Variants in MIR2052HG observed in about 807,000 individuals in gnomAD.
MIR2052HG encodes MIR2052 host gene.
chr8:74,652,857 A>G (rs2553712), intron 2 of MIR2052HG, among the ~76,000 whole-genome samples: 95,900 of 151,916 alleles, frequency 0.63, 30,536 homozygotes, highest in East Asian at 0.77. Flanking sequence ...AGCTGGGAGG[A>G]AGTGGGTAGC....
At chr8:74,739,059 T>C (rs894895509) in intron 4 of MIR2052HG, among the ~76,000 whole-genome samples, 7 of 152,200 alleles carry the variant, frequency 4.6e-5, no homozygotes, top group Admixed American at 4.6e-4. Flanking sequence ...GATCAATAAA[T>C]TAAAATGGCA....
At chr8:74,690,651 A>T (rs1372911765) in intron 2 of MIR2052HG, among the ~76,000 whole-genome samples, 2 of 152,042 alleles carry the variant, frequency 1.3e-5, no homozygotes, top group Non-Finnish European at 1.5e-5. Context: ...ACTCCATCTC[A>T]AAAAATAAAA....
chr8:74,649,625 C>A (rs550221791), intron 2 of MIR2052HG, among the ~76,000 whole-genome samples: 1 of 152,116 alleles, frequency 6.6e-6, no homozygotes, highest in South Asian at 2.1e-4. Flanking sequence ...TTCAAAATAT[C>A]TTTTACAATT....
intron 4 of MIR2052HG, among the ~76,000 whole-genome samples, chr8:74,731,030 A>G (rs1051760043): frequency 1.3e-5 from 2 of 152,232 alleles, no homozygotes; most frequent in South Asian, 2.1e-4. Flanking sequence ...AAAGTCCCCA[A>G]AGTGTCCCCA....
At chr8:74,686,215 C>G (rs1809179444) in intron 2 of MIR2052HG, among the ~76,000 whole-genome samples, 1 of 151,650 alleles carries the variant, frequency 6.6e-6, no homozygotes, top group African/African-American at 2.4e-5. Context: ...ATATTTCCAT[C>G]TCCTTGTAGA....
chr8:74,658,162 G>T (rs1808825491), intron 2 of MIR2052HG, among the ~76,000 whole-genome samples: 1 of 151,984 alleles, frequency 6.6e-6, no homozygotes, highest in African/African-American at 2.4e-5. Context: ...AATCTTCTCA[G>T]TGAGACCAAT....
At chr8:74,676,508 T>C (rs1184258952) in intron 2 of MIR2052HG, among the ~76,000 whole-genome samples, 1 of 150,188 alleles carries the variant, frequency 6.7e-6, no homozygotes, top group Non-Finnish European at 1.5e-5. Flanking sequence ...AAAAGAAAAA[T>C]TAAATGAAAT....
chr8:74,654,907 G>T (rs1199210164), intron 2 of MIR2052HG, among the ~76,000 whole-genome samples: 1 of 152,138 alleles, frequency 6.6e-6, no homozygotes, highest in African/African-American at 2.4e-5. Context: ...GAATGGCTTT[G>T]ACCAAAAGCC....
At chr8:74,688,024 G>C (rs1809201687) in intron 2 of MIR2052HG, among the ~76,000 whole-genome samples, 1 of 152,070 alleles carries the variant, frequency 6.6e-6, no homozygotes, top group Admixed American at 6.6e-5. Context: ...GGCTTCATTT[G>C]ATAATGAGGG....
intron 1 of MIR2052HG, chr8:74,604,269 G>T (rs947927245): frequency 4.9e-6 from 4 of 817,728 alleles, no homozygotes; most frequent in African/African-American, 1.7e-5. Context: ...TGGGGAGCTG[G>T]ACTTTGAGTG....
intron 4 of MIR2052HG, among the ~76,000 whole-genome samples, chr8:74,736,122 G>A (rs750146903): frequency 5.9e-5 from 9 of 152,134 alleles, no homozygotes; most frequent in Admixed American, 6.6e-5. Context: ...GCAGATTAAA[G>A]TTTCTTGATC....
intron 2 of MIR2052HG, among the ~76,000 whole-genome samples, chr8:74,674,479 C>T (rs1302300843): frequency 6.6e-6 from 1 of 151,828 alleles, no homozygotes; most frequent in Non-Finnish European, 1.5e-5. Context: ...TAAAATTAAA[C>T]ATAATATTGA....
intron 5 of MIR2052HG, chr8:74,756,709 G>C (rs895992207): frequency 6.6e-6 from 1 of 152,036 alleles, no homozygotes; most frequent in African/African-American, 2.4e-5. Context: ...AATGGACAGT[G>C]ATTCTACACT....
At chr8:74,713,321 T>A (rs923999871) in intron 4 of MIR2052HG, among the ~76,000 whole-genome samples, 2 of 152,210 alleles carry the variant, frequency 1.3e-5, no homozygotes, top group Non-Finnish European at 2.9e-5. Context: ...CTTCCACTCT[T>A]ATCCAAGTCT....
chr8:74,610,469 C>T (rs138672902), intron 1 of MIR2052HG, among the ~76,000 whole-genome samples: 2 of 151,664 alleles, frequency 1.3e-5, no homozygotes, highest in Middle Eastern at 3.4e-3. Flanking sequence ...TCTCAGCAGT[C>T]CTTTTCTTTT....
intron 4 of MIR2052HG, among the ~76,000 whole-genome samples, chr8:74,729,276 TAGAC>T (rs1381056202): frequency 6.6e-6 from 1 of 152,124 alleles, no homozygotes; most frequent in Non-Finnish European, 1.5e-5. Context: ...GAGCAAAAGT[TAGAC>T]AGGAAAGGCT....
intron 4 of MIR2052HG, among the ~76,000 whole-genome samples, chr8:74,749,157 C>T (rs1809917861): frequency 6.6e-6 from 1 of 152,008 alleles, no homozygotes; most frequent in South Asian, 2.1e-4. Context: ...AAGGTGGTAA[C>T]AGAATAAACA....
Position 74,710,359 on chromosome 8 carries a change from C to A in MIR2052HG, n.371+6677C>A, listed in dbSNP as rs189635710. On this transcript the variant is annotated intron_variant and non_coding_transcript_variant, in intron 4 of 6. Transcript: ENST00000523442. ...TATTAGTCCTTTTGTGATCTCATTTCTCTTGCAAATTTCATTTTCAACTAA... is the reference window on the plus strand; with the variant it reads ...TATTAGTCCTTTTGTGATCTCATTTATCTTGCAAATTTCATTTTCAACTAA... Among the ~76,000 whole-genome samples, 734 of 152,240 alleles carry A rather than the reference C, an allele frequency of 4.8e-3. 10 individuals carry two copies. Among genetic ancestry groups the A allele is most frequent in the African/African-American group, 0.016 (683 of 41,540 alleles).
At chr8:74,602,859 T>TTCTTTCTTTCTTTCTTTC (rs1296043651) in intron 1 of MIR2052HG, among the ~76,000 whole-genome samples, 1 of 145,776 alleles carries the variant, frequency 6.9e-6, no homozygotes, top group African/African-American at 2.6e-5. Context: ...CTTTCTTTCT[T>TTCTTTCTTTCTTTCTTTC]TCTTTCTTTC....
Sources: gnomAD v4.1 joint callset for allele counts (sites outside exome capture counted in the v4.1 genomes callset) on GRCh38, gnomAD v4.1.1 for gene constraint, MANE v1.5 for transcripts, NCBI Gene and HGNC (gene_info 2026-07-23, HGNC 2026-07-21) for gene names.